Variants in SYNPO2 observed in about 807,000 individuals in gnomAD.
SYNPO2 encodes the protein synaptopodin-2.
A neutral mutation model predicts 85.0 loss-of-function variants in SYNPO2; 56 were observed. The ratio of observed to expected loss-of-function variants is 0.66; its 90% CI spans 0.53 to 0.82. SYNPO2 has a LOEUF of 0.82. Ranked by LOEUF, SYNPO2 falls within the 40% of genes least tolerant of loss-of-function variation. The pLI is 0.00. For synonymous variants in SYNPO2, 602 were observed against 591.1 expected, an observed-to-expected ratio of 1.02 and a Z score of -0.27; for missense variants, 1,575 against 1,534.2, an observed-to-expected ratio of 1.03 and a Z score of -0.44.
chr4:118,903,918 A>G (rs1012748764), intron 1 of SYNPO2, among the ~76,000 whole-genome samples: 23 of 152,060 alleles, frequency 1.5e-4, no homozygotes, highest in Non-Finnish European at 8.8e-5. Context: ...GGGTTTCACC[A>G]TGTTGGCCAA....
At chr4:118,932,272 T>C (rs572660434) in intron 1 of SYNPO2, among the ~76,000 whole-genome samples, 1 of 152,182 alleles carries the variant, frequency 6.6e-6, no homozygotes, top group Non-Finnish European at 1.5e-5. Context: ...GAGGCACCAC[T>C]GACCCCACAA....
intron 1 of SYNPO2, among the ~76,000 whole-genome samples, chr4:118,970,374 G>A (rs1446372541): frequency 1.3e-5 from 2 of 152,138 alleles, no homozygotes; most frequent in Non-Finnish European, 2.9e-5. Context: ...AGCCCCAGAA[G>A]TTTGATTGTT....
intron 1 of SYNPO2, among the ~76,000 whole-genome samples, chr4:118,959,943 A>G (rs192763753): frequency 1.3e-5 from 2 of 152,158 alleles, no homozygotes; most frequent in Non-Finnish European, 2.9e-5. Context: ...TTAATTAAGG[A>G]ACTTGCGCTG....
At chr4:119,005,235 G>T (rs1273322081) in intron 1 of SYNPO2, among the ~76,000 whole-genome samples, 1 of 152,122 alleles carries the variant, frequency 6.6e-6, no homozygotes, top group South Asian at 2.1e-4. Context: ...AGTTTAATTA[G>T]ATCCCATTTG....
chr4:118,981,360 C>T (rs550612291), intron 1 of SYNPO2, among the ~76,000 whole-genome samples: 1 of 152,192 alleles, frequency 6.6e-6, no homozygotes, highest in Non-Finnish European at 1.5e-5. Context: ...AGAAGTTAAT[C>T]ATAGGCATGA....
intron 1 of SYNPO2, among the ~76,000 whole-genome samples, chr4:118,873,420 T>C (rs1399285179): frequency 6.6e-6 from 1 of 152,222 alleles, no homozygotes; most frequent in Non-Finnish European, 1.5e-5. Context: ...AATATCTTAT[T>C]GTGGCTTTAA....
intron 1 of SYNPO2, among the ~76,000 whole-genome samples, chr4:118,927,783 TA>T (rs1175461032): frequency 4.3e-5 from 6 of 140,934 alleles, no homozygotes; most frequent in South Asian, 2.2e-4. Flanking sequence ...AGATGATAGA[TA>T]GATAGATAGA....
At chr4:118,989,323 G>A (rs1261230327) in intron 1 of SYNPO2, among the ~76,000 whole-genome samples, 1 of 152,184 alleles carries the variant, frequency 6.6e-6, no homozygotes, top group African/African-American at 2.4e-5. Context: ...CATGTGAAGA[G>A]GTTTCTGGAG....
intron 1 of SYNPO2, among the ~76,000 whole-genome samples, chr4:118,989,933 C>T (rs1272257162): frequency 1.3e-5 from 2 of 152,244 alleles, no homozygotes; most frequent in African/African-American, 4.8e-5. Context: ...CATGTACTCT[C>T]TAATTCAGAT....
intron 1 of SYNPO2, among the ~76,000 whole-genome samples, chr4:118,981,282 A>G (rs1267327813): frequency 6.6e-6 from 1 of 152,132 alleles, no homozygotes; most frequent in African/African-American, 2.4e-5. Flanking sequence ...CCTGCAACCA[A>G]CCTGTCTCAT....
In SYNPO2 at chr4:119,059,023, T is replaced by A. The variant is rs1262620476; in HGVS notation, c.*1089T>A. 6.6e-6 allele frequency: 1 copy of A among 152,196 alleles called. No homozygotes were observed. Among genetic ancestry groups the A allele is most frequent in the Non-Finnish European group, 1.5e-5 (1 of 68,040 alleles). 9.4% of individuals were successfully genotyped at this position (152,196 alleles called of 1,614,324 possible). A position where few individuals can be genotyped will look rare whatever the true frequency, so the allele number is the denominator to read the frequency against. ...AGATTGGATTATCTAATCTTTTAGATCCTTAACAACTCTGATATTCTGAGA... is the reference window on the plus strand; with the variant it reads ...AGATTGGATTATCTAATCTTTTAGAACCTTAACAACTCTGATATTCTGAGA... On this transcript the variant is annotated 3_prime_UTR_variant, in exon 5 of 5. Coordinates refer to ENST00000307142, the MANE Select transcript of SYNPO2 (RefSeq NM_133477.3).
intron 1 of SYNPO2, among the ~76,000 whole-genome samples, chr4:118,931,611 G>A (rs1056092811): frequency 6.6e-6 from 1 of 152,142 alleles, no homozygotes; most frequent in African/African-American, 2.4e-5. Context: ...TATCTCTGCT[G>A]TATAGATCAG....
At chr4:118,903,601 TTAC>T (rs1426990969) in intron 1 of SYNPO2, among the ~76,000 whole-genome samples, 1 of 152,202 alleles carries the variant, frequency 6.6e-6, no homozygotes, top group African/African-American at 2.4e-5. Context: ...GCAGTATCAG[TTAC>T]TAATCAAGAT....
intron 2 of SYNPO2, among the ~76,000 whole-genome samples, chr4:119,024,208 T>TA (rs11434180): frequency 0.054 from 8,159 of 152,176 alleles, 750 homozygotes; most frequent in African/African-American, 0.19. Flanking sequence ...CCTTTAAATG[T>TA]AAAAAACAAA....
At chr4:118,886,572 A>G (rs115028857), upstream of SYNPO2, among the ~76,000 whole-genome samples, 1,686 of 152,338 alleles carry the variant, frequency 0.011, 43 homozygotes, top group African/African-American at 0.038. Flanking sequence ...TCCCCTGCAA[A>G]GGACATTAAC....
At chr4:118,954,296 G>A (rs1734796266) in intron 1 of SYNPO2, among the ~76,000 whole-genome samples, 1 of 152,104 alleles carries the variant, frequency 6.6e-6, no homozygotes, top group African/African-American at 2.4e-5. Flanking sequence ...CATTTTTTAA[G>A]AGTGCTTTCT....
chr4:118,868,983 C>T (rs536576665), intron 1 of SYNPO2, among the ~76,000 whole-genome samples: 3 of 152,234 alleles, frequency 2.0e-5, no homozygotes, highest in Non-Finnish European at 2.9e-5. Context: ...TGCCTGTTGT[C>T]GTCTATTCCC....
At chr4:118,976,473 G>T (rs928986798) in intron 1 of SYNPO2, among the ~76,000 whole-genome samples, 1 of 152,172 alleles carries the variant, frequency 6.6e-6, no homozygotes, top group African/African-American at 2.4e-5. Context: ...GGACCCTAGC[G>T]GGTTGCCAAT....
At chr4:119,026,558 G>A (rs1737951608) in intron 2 of SYNPO2, 69 bp from the exon 3 acceptor site, 4 of 1,476,838 alleles carry the variant, frequency 2.7e-6, no homozygotes, top group East Asian at 4.6e-5. Context: ...TCACAAAAGT[G>A]TCAGGAAGTT....
Sources: allele counts gnomAD v4.1 joint callset (sites outside exome capture counted in the v4.1 genomes callset), GRCh38; gene constraint gnomAD v4.1.1; transcripts MANE v1.5; gene names NCBI Gene and HGNC (gene_info 2026-07-23, HGNC 2026-07-21).